The following KLRC4 variants were observed in gnomAD, a reference collection of about 807,000 sequenced individuals.
KLRC4 encodes the protein killer cell lectin like receptor C4.
Under a neutral mutation model 14.3 loss-of-function variants are expected in KLRC4, and 6 were observed. The observed-to-expected ratio is 0.42, with a 90% CI of 0.23 to 0.83. KLRC4 has a LOEUF of 0.83. KLRC4 is among the 40% of genes least tolerant of loss of function. The pLI, the probability that KLRC4 is intolerant of heterozygous loss-of-function variation, is 0.29. For missense variants in KLRC4, 158 were observed against 179.4 expected, an observed-to-expected ratio of 0.88 and a Z score of 0.68; for synonymous variants, 53 against 60.5, an observed-to-expected ratio of 0.88 and a Z score of 0.57.
intron 2 of KLRC4, 82 bp downstream of exon 2, chr12:10,408,830 C>T (rs1863540949): frequency 6.4e-7 from 1 of 1,551,288 alleles, no homozygotes; most frequent in Non-Finnish European, 8.9e-7. Context: ...GAATTCTAAT[C>T]CTCATTATTA....
In KLRC4 at chr12:10,407,439, C is replaced by T; in HGVS notation, c.*214G>A. 1.2e-5 allele frequency: 6 copies of T among 491,778 alleles called. No individual in the cohort carries two copies. The highest frequency in any genetic ancestry group is 2.1e-5 in the Non-Finnish European group (6 of 292,396). The allele number at this position is 491,778 out of a possible 1,614,324, so 30.5% of individuals were successfully genotyped here. A position where few individuals can be genotyped will look rare whatever the true frequency, so the allele number is the denominator to read the frequency against. On this transcript the variant is annotated 3_prime_UTR_variant, in exon 4 of 4. Coordinates refer to ENST00000309384, the MANE Select transcript of KLRC4 (RefSeq NM_013431.2). ...AAACATTTATAGAAGCATGGGTTTC[C>T]ATGAAAAGCAAAACTGGAAATAACC...
chr12:10,409,038 G>C, intron 1 of KLRC4, 28 bp from the exon 2 acceptor site: 3 of 1,612,706 alleles, frequency 1.9e-6, no homozygotes, highest in Non-Finnish European at 2.5e-6. Context: ...GGCACTGAGA[G>C]AGGGGAGATA....
intron 1 of KLRC4, 113 bp downstream of exon 1, chr12:10,409,276 A>C: frequency 8.9e-7 from 1 of 1,126,138 alleles, no homozygotes; most frequent in Non-Finnish European, 1.3e-6. Flanking sequence ...TTAGATCCTG[A>C]CTTTGACCTC....
At chr12:10,408,442 G>A in intron 2 of KLRC4, 60 bp from the exon 3 acceptor site, 1 of 804,848 alleles carries the variant, frequency 1.2e-6, no homozygotes, top group Non-Finnish European at 2.0e-6. Context: ...AATAAATTCA[G>A]TTGCTTACTT....
At position 10,407,510 on chromosome 12, in the gene KLRC4, G is replaced by T; in HGVS notation, c.*143C>A. The T allele has an allele frequency of 1.0e-6, 1 of 974,514 alleles. No homozygotes were observed. The highest frequency in any genetic ancestry group is 1.5e-6 in the Non-Finnish European group (1 of 680,874). 60.4% of individuals were successfully genotyped at this position (974,514 alleles called of 1,614,324 possible). On this transcript the variant is annotated 3_prime_UTR_variant, in exon 4 of 4. Transcript: ENST00000309384. ...TGAATATAAAAATATTATGAAGTCA[G>T]TTGAATACTACACAGACTTAAAAAT...
At chr12:10,408,865 T>A in intron 2 of KLRC4, 47 bp downstream of exon 2, 2 of 1,610,220 alleles carry the variant, frequency 1.2e-6, no homozygotes, top group Non-Finnish European at 1.7e-6. Context: ...GCGCTTCCAA[T>A]CATTATAGTG....
Position 10,408,836 on chromosome 12 carries a change from T to C in KLRC4, c.286+76A>G, listed in dbSNP as rs529325423. Reference sequence around the variant, plus strand: ...TTAAACAGAGAATTCTAATCCTCATTATTATGAAATGTTTCAAGGCGCTTC... The same window carrying C: ...TTAAACAGAGAATTCTAATCCTCATCATTATGAAATGTTTCAAGGCGCTTC... On this transcript the variant is annotated intron_variant, in intron 2 of 3. Transcript: ENST00000309384. The C allele has an allele frequency of 6.2e-5, 97 of 1,569,022 alleles. No individual in the cohort carries two copies. The African/African-American group carries it at 1.1e-3, about 18-fold the overall frequency.
rs1200759146 is a variant in KLRC4 at position 10,407,781 on chromosome 12, A to G, written c.349T>C (p.Cys117Arg). ...ATCCACTCCTCAGGACAATGGCCAC[A>G]ATGACGTGCTAAATAAAAATATGAA... ...LNRRMQKARH[C>R]GHCPEEWITY... The change falls in exon 4 of 4, where the codon TGT becomes CGT. Residue 117 changes from cysteine to arginine, a missense_variant. Cys to Arg is a radical substitution (Grantham distance 180). Transcript: ENST00000309384. The G allele has an allele frequency of 3.7e-6, 6 of 1,603,212 alleles. No individual in the cohort carries two copies. The East Asian group carries it at 8.9e-5, about 24-fold the overall frequency.
In KLRC4 at chr12:10,409,419, G is replaced by C. The variant is rs903097406; in HGVS notation, c.157C>G (p.Gln53Glu). The change falls in exon 1 of 4, where the codon CAA (glutamine) becomes GAA (glutamate). Residue 53 changes from glutamine to glutamate, a missense_variant. Physicochemically the swap from Gln to Glu is conservative, Grantham distance 29. Coordinates refer to ENST00000309384, the MANE Select transcript of KLRC4 (RefSeq NM_013431.2). ...LNLQNASSDH[Q>E]GNDKTYHCKG... ...CAGTGATATGTCTTGTCATTCCCTT[G>C]ATGATCCGAAGAAGCATTTTGAAGG... The C allele has an allele frequency of 2.5e-6, 4 of 1,611,858 alleles. No homozygotes were observed. In the African/African-American group the frequency reaches 5.3e-5, roughly 22 times the overall value.
At chr12:10,408,816 CAG>C in intron 2 of KLRC4, 94 bp downstream of exon 2, 2 of 1,484,568 alleles carry the variant, frequency 1.3e-6, no homozygotes, top group Non-Finnish European at 1.9e-6. Flanking sequence ...ATACATTAAA[CAG>C]AGAATTCTAA....
intron 1 of KLRC4, 95 bp downstream of exon 1, chr12:10,409,294 C>T: frequency 7.7e-7 from 1 of 1,294,680 alleles, no homozygotes; most frequent in Non-Finnish European, 1.1e-6. Context: ...CTCTGATTCT[C>T]ACAAGTGCAA....
intron 2 of KLRC4, among the ~76,000 whole-genome samples, chr12:10,408,613 ATTTG>A (rs1271496383): frequency 3.3e-5 from 5 of 152,182 alleles, no homozygotes; most frequent in East Asian, 3.9e-4. Context: ...TCAAAAATTA[ATTTG>A]TTTTTCTAAA....
chr12:10,409,073 A>G (rs2137848738), intron 1 of KLRC4, 63 bp from the exon 2 acceptor site: 1 of 1,566,964 alleles, frequency 6.4e-7, no homozygotes, highest in Middle Eastern at 1.7e-4. Context: ...AGGTTTACGT[A>G]CAAGAGAACT....
At chr12:10,408,166 T>C (rs1000814830) in intron 3 of KLRC4, among the ~76,000 whole-genome samples, 163 bp downstream of exon 3, 16 of 152,200 alleles carry the variant, frequency 1.1e-4, no homozygotes, top group Admixed American at 9.2e-4. Context: ...TTTCTACTTA[T>C]TATTGGAGAA....
chr12:10,409,206 C>A (rs1863547559), intron 1 of KLRC4, among the ~76,000 whole-genome samples, 183 bp downstream of exon 1: 1 of 152,174 alleles, frequency 6.6e-6, no homozygotes, highest in Non-Finnish European at 1.5e-5. Context: ...AGTTGTTAAT[C>A]ACAAATTACA....
At chr12:10,408,158 T>G (rs141033405) in intron 3 of KLRC4, among the ~76,000 whole-genome samples, 171 bp downstream of exon 3, 2,180 of 152,262 alleles carry the variant, frequency 0.014, 46 homozygotes, top group African/African-American at 0.05. Context: ...ACTGAGCATT[T>G]CTACTTATTA....
intron 3 of KLRC4, 36 bp downstream of exon 3, chr12:10,408,293 T>G: frequency 8.2e-7 from 1 of 1,221,034 alleles, no homozygotes; most frequent in South Asian, 1.3e-5. Context: ...AAATATAAAC[T>G]GTACTAACAT....
At chr12:10,408,871 T>C (rs1183257251) in intron 2 of KLRC4, 41 bp downstream of exon 2, 14 of 1,611,456 alleles carry the variant, frequency 8.7e-6, no homozygotes, top group Admixed American at 8.3e-5. Context: ...CCAATCATTA[T>C]AGTGAAAAGT....
chr12:10,407,714 C>A lies in KLRC4; in HGVS notation c.416G>T (p.Arg139Ile). Residue 139 changes from arginine (R) to isoleucine (I), a missense_variant, in exon 4 of 4, where the codon AGA (arginine) becomes ATA (isoleucine). Physicochemically the swap from Arg to Ile is moderately conservative, Grantham distance 97. Coordinates refer to ENST00000309384, the MANE Select transcript of KLRC4 (RefSeq NM_013431.2). ...NSCYYIGKER[R>I]TWEERVCWPV... is the part of the protein sequence containing the mutation. ...CCAGCAAACTCTTTCTTCCCAAGTTCTTCTTTCCTTACCAATGTAATAACA... is the reference window on the plus strand; with the variant it reads ...CCAGCAAACTCTTTCTTCCCAAGTTATTCTTTCCTTACCAATGTAATAACA... 6.2e-7 allele frequency: 1 copy of A among 1,613,832 alleles called. No individual in the cohort carries two copies. Among genetic ancestry groups the A allele is most frequent in the Non-Finnish European group, 8.5e-7 (1 of 1,179,828 alleles).
Sources: allele counts gnomAD v4.1 joint callset (sites outside exome capture counted in the v4.1 genomes callset), GRCh38; gene constraint gnomAD v4.1.1; transcripts MANE v1.5; gene names NCBI Gene and HGNC (gene_info 2026-07-23, HGNC 2026-07-21).